The following PRKCE variants were observed in gnomAD, a reference collection of about 807,000 sequenced individuals.
PRKCE encodes protein kinase C epsilon.
A neutral mutation model predicts 85.4 loss-of-function variants in PRKCE; 16 were observed. The ratio of observed to expected loss-of-function variants is 0.19; its 90% CI spans 0.13 to 0.28. The LOEUF is 0.28. Among genes scored for constraint, PRKCE ranks in the 10% least tolerant of loss-of-function variants. The pLI is 1.00. For synonymous variants in PRKCE, 388 were observed against 371.5 expected (o/e 1.04, Z -0.51); for missense variants, 573 against 975.2 (o/e 0.59, Z 5.49).
chr2:45,975,144 C>G (rs115915304), intron 2 of PRKCE, among the ~76,000 whole-genome samples: 144 of 151,638 alleles, frequency 9.5e-4, no homozygotes, highest in African/African-American at 3.4e-3. Context: ...CTATTCTTCG[C>G]TTTGCATACC....
chr2:46,158,813 A>G (rs762445327), intron 13 of PRKCE, among the ~76,000 whole-genome samples: 2 of 152,114 alleles, frequency 1.3e-5, no homozygotes, highest in Non-Finnish European at 2.9e-5. Flanking sequence ...TTTTTCCCCA[A>G]GGTTTTATTG....
intron 2 of PRKCE, among the ~76,000 whole-genome samples, chr2:45,942,916 A>G (rs973492467): frequency 3.9e-5 from 6 of 152,238 alleles, no homozygotes; most frequent in African/African-American, 1.2e-4. Flanking sequence ...TTAAAAGTAT[A>G]AAAGAAAAGT....
chr2:46,071,383 G>A (rs896232072), intron 10 of PRKCE, among the ~76,000 whole-genome samples: 2 of 152,176 alleles, frequency 1.3e-5, no homozygotes, highest in African/African-American at 2.4e-5. Context: ...AATTTTTAAG[G>A]GGTAGGCAGC....
intron 2 of PRKCE, among the ~76,000 whole-genome samples, chr2:45,855,653 G>T (rs1435381336): frequency 6.6e-6 from 1 of 152,182 alleles, no homozygotes; most frequent in Non-Finnish European, 1.5e-5. Flanking sequence ...CTTTCATCGT[G>T]CTTGCTTGTG....
chr2:46,179,445 C>G (rs1034675841), intron 14 of PRKCE, among the ~76,000 whole-genome samples: 1 of 152,142 alleles, frequency 6.6e-6, no homozygotes, highest in African/African-American at 2.4e-5. Context: ...GGGATCTGGA[C>G]TGACCTGAAA....
intron 2 of PRKCE, among the ~76,000 whole-genome samples, chr2:45,974,587 C>T (rs960224447): frequency 3.9e-5 from 6 of 152,194 alleles, no homozygotes; most frequent in Non-Finnish European, 4.4e-5. Context: ...GCACACGCTG[C>T]GCATTTGGTC....
chr2:45,894,989 C>A (rs1696025022), intron 2 of PRKCE, among the ~76,000 whole-genome samples: 1 of 152,220 alleles, frequency 6.6e-6, no homozygotes, highest in Non-Finnish European at 1.5e-5. Context: ...TCCCAAAGTG[C>A]TGGGATTACA....
intron 11 of PRKCE, among the ~76,000 whole-genome samples, chr2:46,092,860 T>C (rs1195211838): frequency 6.6e-6 from 1 of 152,212 alleles, no homozygotes; most frequent in Non-Finnish European, 1.5e-5. Context: ...CAGTTAGGGA[T>C]TTGCTGACAT....
At chr2:45,936,495 C>T (rs1699468843) in intron 2 of PRKCE, among the ~76,000 whole-genome samples, 2 of 152,174 alleles carry the variant, frequency 1.3e-5, no homozygotes, top group Non-Finnish European at 2.9e-5. Context: ...TCACTGTCCT[C>T]CTCCTCCAGG....
chr2:46,083,085 G>C (rs1558434076), intron 10 of PRKCE, among the ~76,000 whole-genome samples: 1 of 152,144 alleles, frequency 6.6e-6, no homozygotes, highest in African/African-American at 2.4e-5. Flanking sequence ...CTGAGTAGCT[G>C]GGATTACAGG....
In PRKCE at chr2:46,138,457, A is replaced by G. The variant is rs1356659281; in HGVS notation, c.1593-6636A>G. On this transcript the variant is annotated intron_variant, in intron 11 of 14. Coordinates refer to ENST00000306156, the MANE Select transcript of PRKCE (RefSeq NM_005400.3). This position sits in a 1 kb window ranked among gnomAD's most constrained non-coding sequence, Gnocchi z 4.2. ...CTCATACATTTAAACATGTGGGTTG[A>G]GGATGCCAATTAGCAGGGTTGGTAG... Among the ~76,000 whole-genome samples, 1 of 152,234 alleles carries G rather than the reference A, an allele frequency of 6.6e-6. No individual in the cohort carries two copies. Among genetic ancestry groups the G allele is most frequent in the African/African-American group, 2.4e-5 (1 of 41,462 alleles).
At chr2:45,970,076 A>C (rs540122050) in intron 2 of PRKCE, among the ~76,000 whole-genome samples, 1 of 152,334 alleles carries the variant, frequency 6.6e-6, no homozygotes, top group East Asian at 1.9e-4. Context: ...GGAGTTGCCG[A>C]ATCAAAGGAT....
rs539653229 is a variant in PRKCE at position 45,907,587 on chromosome 2, G to A, written c.412+64524G>A. ...GCGTGTGCCCAAGCCTGCTTCCCAT[G>A]TCACGTGTGTCATTTTCCCAGTGCC... is the stretch of plus-strand genomic sequence containing the variant. On this transcript the variant is annotated intron_variant, in intron 2 of 14. Transcript: ENST00000306156. The surrounding 1 kb of genome is among the most constrained non-coding windows in gnomAD (Gnocchi z 4.5). Among the ~76,000 whole-genome samples the A allele has an allele frequency of 6.6e-6, 1 of 152,196 alleles. No homozygotes were observed.
intron 11 of PRKCE, among the ~76,000 whole-genome samples, chr2:46,143,581 T>C (rs1049687467): frequency 6.6e-6 from 1 of 152,090 alleles, no homozygotes; most frequent in Non-Finnish European, 1.5e-5. Flanking sequence ...CAAGGTGACT[T>C]TACCAGGACA....
chr2:45,954,039 A>C (rs747923113), intron 2 of PRKCE, among the ~76,000 whole-genome samples: 160 of 152,338 alleles, frequency 1.1e-3, no homozygotes, highest in Admixed American at 1.9e-3. Flanking sequence ...GCCTATTACA[A>C]AATTTAAAAA....
chr2:45,813,532 G>T (rs1688803060), intron 1 of PRKCE, among the ~76,000 whole-genome samples: 2 of 152,168 alleles, frequency 1.3e-5, no homozygotes, highest in Admixed American at 6.5e-5. Context: ...ACACCATGTG[G>T]GACATGAGAG....
At chr2:46,174,754 T>C (rs1679261196) in intron 14 of PRKCE, among the ~76,000 whole-genome samples, 1 of 152,184 alleles carries the variant, frequency 6.6e-6, no homozygotes, top group Non-Finnish European at 1.5e-5. Flanking sequence ...AGTGATATGA[T>C]CTTGGCTCTC....
chr2:45,787,820 G>T (rs1289201456), intron 1 of PRKCE, among the ~76,000 whole-genome samples: 1 of 152,142 alleles, frequency 6.6e-6, no homozygotes, highest in Non-Finnish European at 1.5e-5. Context: ...TGACCTCAAG[G>T]GATGAAGTTC....
intron 1 of PRKCE, among the ~76,000 whole-genome samples, chr2:45,787,954 T>A (rs955143365): frequency 1.3e-5 from 2 of 152,196 alleles, no homozygotes; most frequent in African/African-American, 4.8e-5. Flanking sequence ...TTGTCTTAGC[T>A]GTCTCTCATG....
Sources: gnomAD v4.1 joint callset for allele counts (sites outside exome capture counted in the v4.1 genomes callset) on GRCh38, gnomAD v4.1.1 for gene constraint, Gnocchi (gnomAD v3.1) non-coding constraint, MANE v1.5 for transcripts, NCBI Gene and HGNC (gene_info 2026-07-23, HGNC 2026-07-21) for gene names.